GREB1: variants seen among roughly 807,000 people sequenced by gnomAD.
GREB1 encodes protein GREB1.
A neutral mutation model predicts 200.7 loss-of-function variants in GREB1; 106 were observed. The ratio of observed to expected loss-of-function variants is 0.53; its 90% CI spans 0.45 to 0.62. The LOEUF is 0.62. Ranked by LOEUF, GREB1 falls within the 20% of genes least tolerant of loss-of-function variation. The pLI is 0.00. For synonymous variants in GREB1, 1,132 were observed against 1,092.4 expected (o/e 1.04, Z -0.72); for missense variants, 2,243 against 2,556.8 (o/e 0.88, Z 2.65).
intron 1 of GREB1, among the ~76,000 whole-genome samples, chr2:11,519,816 A>C (rs541196224): frequency 6.6e-6 from 1 of 152,264 alleles, no homozygotes; most frequent in East Asian, 1.9e-4. Context: ...TGAGAACATG[A>C]AGTGTACTTA....
intron 22 of GREB1, 37 bp downstream of exon 22, chr2:11,618,956 TGG>T (rs756379638): frequency 4.2e-6 from 6 of 1,445,738 alleles, no homozygotes; most frequent in Non-Finnish European, 5.5e-6. Flanking sequence ...AGCCCCGGAC[TGG>T]GGGGGTCCTC....
chr2:11,595,361 T>G lies in GREB1; in HGVS notation c.1807T>G (p.Phe603Val). 1 of 1,613,746 alleles carries G rather than the reference T, an allele frequency of 6.2e-7. No individual in the cohort carries two copies. Among genetic ancestry groups the G allele is most frequent in the Non-Finnish European group, 8.5e-7 (1 of 1,179,776 alleles). Residue 603 changes from phenylalanine (F) to valine (V), a missense_variant, in exon 12 of 33, where the codon TTT becomes GTT. By Grantham distance (50) the Phe-to-Val change is conservative (BLOSUM62 -1). This residue lies in a region of GREB1 where 1,178 missense variants were observed against 1,387.4 expected (regional missense o/e 0.85). Transcript: ENST00000381486. The part of the protein sequence containing the change: ...TGKVDSLGAF[F>V]STLCPEGDID... The stretch of plus-strand genomic sequence containing the variant: ...GAAGGTAGACTCGCTGGGGGCCTTC[T>G]TTAGCACCCTCTGTCCAGGTAGGCT...
At chr2:11,557,863 C>T (rs565612050) in intron 2 of GREB1, among the ~76,000 whole-genome samples, 1 of 152,238 alleles carries the variant, frequency 6.6e-6, no homozygotes, top group South Asian at 2.1e-4. Flanking sequence ...TGTTTTCTGG[C>T]ATGGGAGACG....
intron 19 of GREB1, among the ~76,000 whole-genome samples, 188 bp from the exon 20 acceptor site, chr2:11,614,902 GA>G (rs1238707413): frequency 6.6e-6 from 1 of 152,198 alleles, no homozygotes; most frequent in Non-Finnish European, 1.5e-5. Context: ...TGTCCCCAAA[GA>G]TTTACTATTA....
At chr2:11,617,385 T>C (rs1468072370) in intron 21 of GREB1, among the ~76,000 whole-genome samples, 2 of 152,236 alleles carry the variant, frequency 1.3e-5, no homozygotes, top group East Asian at 3.8e-4. Context: ...TCTGAGGGCC[T>C]ACTTGCTATC....
intron 1 of GREB1, among the ~76,000 whole-genome samples, chr2:11,543,570 G>T (rs1674962428): frequency 6.6e-6 from 1 of 152,234 alleles, no homozygotes. Flanking sequence ...AGCCCCTGGT[G>T]GTCTTATTGA....
At position 11,500,091 on chromosome 2, in the gene GREB1, C is replaced by T. The variant is rs1672988467; in HGVS notation, c.-159+17710C>T. 1.3e-5 allele frequency among the ~76,000 whole-genome samples: 2 copies of T among 152,138 alleles called. 1 individual carries two copies. Among genetic ancestry groups the T allele is most frequent in the South Asian group, 4.2e-4 (2 of 4,814 alleles). ...CTGCCTCCCGGGTTCGAGCAATTCT[C>T]CTGCTTCAGCCTCCTGAGTAGCTGG... is the stretch of plus-strand genomic sequence containing the variant. On this transcript the variant is annotated intron_variant, in intron 1 of 2. Coordinates refer to the GREB1 transcript ENST00000628795.
At chr2:11,525,892 T>C (rs765543033) in intron 1 of GREB1, among the ~76,000 whole-genome samples, 2 of 152,212 alleles carry the variant, frequency 1.3e-5, no homozygotes, top group African/African-American at 4.8e-5. Context: ...CGTGCCCTGA[T>C]GGATCCTTTG....
At chr2:11,505,951 T>G (rs1247798929) in intron 1 of GREB1, among the ~76,000 whole-genome samples, 1 of 152,188 alleles carries the variant, frequency 6.6e-6, no homozygotes, top group African/African-American at 2.4e-5. Flanking sequence ...AGGATAATGT[T>G]TAACATCGGC....
rs1675506794 is a variant in GREB1 at position 11,548,434 on chromosome 2, T to C, written c.-161-8020T>C. Among the ~76,000 whole-genome samples the C allele has an allele frequency of 6.6e-6, 1 of 152,132 alleles. No individual in the cohort carries two copies. On this transcript the variant is annotated intron_variant, in intron 1 of 32. Coordinates refer to ENST00000381486, the MANE Select transcript of GREB1 (RefSeq NM_014668.4). This position sits in a 1 kb window ranked among gnomAD's most constrained non-coding sequence, Gnocchi z 5.1. ...TTTCCCTTTTCTCATTCTTCCAAAA[T>C]AGTTATATCAAAACTTTGTTTGAAT...
chr2:11,491,013 G>C (rs1038661688), intron 1 of GREB1, among the ~76,000 whole-genome samples: 8 of 152,138 alleles, frequency 5.3e-5, no homozygotes, highest in Admixed American at 1.3e-4. Context: ...CCTTGTATGG[G>C]GGTTCCAGTT....
In GREB1 at chr2:11,576,512, C is replaced by T. The variant is rs376240037; in HGVS notation, c.614C>T (p.Pro205Leu). 1.5e-4 allele frequency: 235 copies of T among 1,613,234 alleles called. No homozygotes were observed. Among genetic ancestry groups the T allele is most frequent in the Non-Finnish European group, 1.9e-4 (227 of 1,179,820 alleles). ...RNAQGTLTKG[P>L]LICWKGSEFR... is the part of the protein sequence containing the mutation. The stretch of plus-strand genomic sequence containing the variant: ...GCACAAGGGACTCTAACCAAAGGAC[C>T]TTTAATCTGTTGGAAAGGCTCAGGT... Residue 205 changes from proline to leucine, a missense_variant, in exon 5 of 33, where the codon CCT (proline) becomes CTT (leucine). By Grantham distance (98) the Pro-to-Leu change is moderately conservative. This residue lies in a region of GREB1 where 1,178 missense variants were observed against 1,387.4 expected (regional missense o/e 0.85). Transcript: ENST00000381486.
rs750757872 is a variant in GREB1 at position 11,538,759 on chromosome 2, TCTTC to T, written c.-162+4519_-162+4522del. Among the ~76,000 whole-genome samples, 73 of 53,778 alleles carry T rather than the reference TCTTC, an allele frequency of 1.4e-3. 7 individuals are homozygous for T. The highest frequency in any genetic ancestry group is 4.6e-3 in the African/African-American group (69 of 14,894). The allele number at this position is 53,778 out of a possible 152,430, so 35.3% of individuals were successfully genotyped here. A position where few individuals can be genotyped will look rare whatever the true frequency, so the allele number is the denominator to read the frequency against. ...CTTTCCCTTCCTTCTTTCCTTCCTTTCTTCCTTCCTTCCTTCCCGTCTTCCTTCC... is the reference window on the plus strand; with the variant it reads ...CTTTCCCTTCCTTCTTTCCTTCCTTTCTTCCTTCCTTCCCGTCTTCCTTCC... On this transcript the variant is annotated intron_variant, in intron 1 of 32. Coordinates refer to ENST00000381486, the MANE Select transcript of GREB1 (RefSeq NM_014668.4).
chr2:11,599,519 A>ATTTTTTT (rs11367888), intron 15 of GREB1, among the ~76,000 whole-genome samples: 30 of 99,780 alleles, frequency 3.0e-4, no homozygotes, highest in African/African-American at 1.3e-3. Context: ...TCGTTTTTGT[A>ATTTTTTT]TTTTTTTTTT....
At position 11,585,901 on chromosome 2, in the gene GREB1, T is replaced by G; in HGVS notation, c.1155T>G (p.Phe385Leu). The change falls in exon 9 of 33, where the codon TTT becomes TTG. Residue 385 changes from phenylalanine (F) to leucine (L), a missense_variant. Phe to Leu is a conservative substitution (Grantham distance 22). Around this residue, in one of 3 missense-constraint regions of GREB1, gnomAD observed 1,178 missense variants for 1,387.4 expected, o/e 0.85. Transcript: ENST00000381486. Reference protein sequence around the residue: ...LKICKAKPVIFKGHGNFPYLC... With the variant: ...LKICKAKPVILKGHGNFPYLC... ...TATGCAAGGCCAAGCCAGTGATATT[T>G]AAAGGCAAGTACAGCAGTGCACCGA... 1 of 1,613,630 alleles carries G rather than the reference T, an allele frequency of 6.2e-7. No homozygotes were observed. Among genetic ancestry groups the G allele is most frequent in the Non-Finnish European group, 8.5e-7 (1 of 1,180,000 alleles).
intron 8 of GREB1, 78 bp downstream of exon 8, chr2:11,585,352 G>GCACGCACACACGCACA: frequency 1.2e-6 from 1 of 832,614 alleles, no homozygotes; most frequent in Non-Finnish European, 1.9e-6. Flanking sequence ...GTGTATGTGT[G>GCACGCACACACGCACA]CGTGTGTGCG....
rs1011518346 is a variant in GREB1 at position 11,585,066 on chromosome 2, A to G, written c.902-95A>G. 2.8e-5 allele frequency: 17 copies of G among 603,750 alleles called. No individual in the cohort carries two copies. The African/African-American group carries it at 2.9e-4, about 10-fold the overall frequency. The allele number at this position is 603,750 out of a possible 1,614,324, so 37.4% of individuals were successfully genotyped here. A position where few individuals can be genotyped will look rare whatever the true frequency, so the allele number is the denominator to read the frequency against. On this transcript the variant is annotated intron_variant, in intron 7 of 32. Transcript: ENST00000381486. ...AATCTGTGATTAGAAAAAAAAAAAC[A>G]AAACAAAACAGATCATTGTTCTCCA...
chr2:11,603,727 C>A (rs1173089123), intron 17 of GREB1, among the ~76,000 whole-genome samples: 1 of 152,260 alleles, frequency 6.6e-6, no homozygotes, highest in Non-Finnish European at 1.5e-5. Context: ...AGTAGCCCTC[C>A]AAGATTTCAC....
intron 29 of GREB1, 113 bp from the exon 30 acceptor site, chr2:11,635,157 A>T (rs1169637391): frequency 7.9e-7 from 1 of 1,263,856 alleles, no homozygotes; most frequent in East Asian, 2.3e-5. Flanking sequence ...AATGAAGCCC[A>T]CTCCACCTTC....
Sources: gnomAD v4.1 joint callset for allele counts (sites outside exome capture counted in the v4.1 genomes callset) on GRCh38, gnomAD v4.1.1 for gene constraint, gnomAD v4.1.1 regional missense constraint, Gnocchi (gnomAD v3.1) non-coding constraint, MANE v1.5 for transcripts, NCBI Gene and HGNC (gene_info 2026-07-23, HGNC 2026-07-21) for gene names.